CHL1: variants seen among roughly 807,000 people sequenced by gnomAD.
The protein encoded by CHL1 is cell adhesion molecule L1 like, also known as neural cell adhesion molecule L1-like protein.
A neutral mutation model predicts 141.9 loss-of-function variants in CHL1; 96 were observed. The observed-to-expected ratio is 0.68, with a 90% CI of 0.57 to 0.80. The LOEUF is 0.80. Ranked by LOEUF, CHL1 falls within the 30% of genes least tolerant of loss-of-function variation. The pLI is 0.00. For missense variants in CHL1, 1,820 were observed against 1,457.2 expected (o/e 1.25, Z -4.05); for synonymous variants, 613 against 502.2 (o/e 1.22, Z -2.95).
At chr3:338,026 C>G in intron 5 of CHL1, among the ~76,000 whole-genome samples, 1 of 152,180 alleles carries the variant, frequency 6.6e-6, no homozygotes, top group South Asian at 2.1e-4. Flanking sequence ...TCCTCTCCAG[C>G]ACCTTTTTTT....
At chr3:238,076 G>A (rs1022668895) in intron 1 of CHL1, among the ~76,000 whole-genome samples, 5 of 152,236 alleles carry the variant, frequency 3.3e-5, no homozygotes, top group African/African-American at 1.2e-4. Context: ...CTGTCTGTGT[G>A]TTCATTTTTG....
intron 2 of CHL1, among the ~76,000 whole-genome samples, chr3:286,133 T>G (rs921004791): frequency 6.6e-6 from 1 of 152,182 alleles, no homozygotes; most frequent in African/African-American, 2.4e-5. Flanking sequence ...CTGTGTAAGA[T>G]GTCTCTGCCC....
chr3:339,802 T>G (rs1702220927), intron 5 of CHL1, among the ~76,000 whole-genome samples: 1 of 152,148 alleles, frequency 6.6e-6, no homozygotes, highest in Admixed American at 6.5e-5. Flanking sequence ...GAGTAAACCT[T>G]TATATTTCCA....
intron 9 of CHL1, among the ~76,000 whole-genome samples, chr3:348,233 G>A (rs896040183): frequency 2.0e-5 from 3 of 152,166 alleles, no homozygotes; most frequent in Non-Finnish European, 4.4e-5. Flanking sequence ...TTGCTCCAGT[G>A]ACCTTAAGAA....
At position 337,540 on chromosome 3, in the gene CHL1, C is replaced by T. The variant is rs577223404; in HGVS notation, c.386-3254C>T. 2.7e-5 allele frequency among the ~76,000 whole-genome samples: 4 copies of T among 150,694 alleles called. No individual in the cohort carries two copies. The South Asian group carries it at 8.5e-4, about 32-fold the overall frequency. On this transcript the variant is annotated intron_variant, in intron 5 of 27. Coordinates refer to ENST00000256509, the MANE Select transcript of CHL1 (RefSeq NM_006614.4). ...TCTCCCCCCACCCCACAACAGGCCCCGGTGTGTGATGTCCCCCTTCCTATG... is the reference window on the plus strand; with the variant it reads ...TCTCCCCCCACCCCACAACAGGCCCTGGTGTGTGATGTCCCCCTTCCTATG...
chr3:290,935 CAA>C (rs11328876), intron 2 of CHL1, among the ~76,000 whole-genome samples: 16 of 91,802 alleles, frequency 1.7e-4, no homozygotes, highest in East Asian at 3.6e-4. Flanking sequence ...GACTCTGTCT[CAA>C]AAAAAAAAAA....
intron 5 of CHL1, among the ~76,000 whole-genome samples, chr3:334,858 C>T (rs553620153): frequency 6.6e-6 from 1 of 152,138 alleles, no homozygotes; most frequent in East Asian, 1.9e-4. Context: ...ATATCCTTCC[C>T]GTTCTGCATT....
chr3:209,013 A>G (rs1179817102), intron 1 of CHL1, among the ~76,000 whole-genome samples: 1 of 152,222 alleles, frequency 6.6e-6, no homozygotes, highest in East Asian at 1.9e-4. Context: ...GTAAAAAAAT[A>G]TAAAGTTAAT....
chr3:319,723 A>G lies in CHL1; in HGVS notation c.-54A>G. 8.5e-7 allele frequency: 1 copy of G among 1,175,912 alleles called. No homozygotes were observed. The highest frequency in any genetic ancestry group is 1.3e-5 in the South Asian group (1 of 78,082). 72.8% of individuals were successfully genotyped at this position (1,175,912 alleles called of 1,614,324 possible). ...AGGTCTCAGCTGTAAACCAAAAGTG[A>G]GAGGAGACATTAAGATTTTCATTCT... On this transcript the variant is annotated 5_prime_UTR_variant, in exon 3 of 28. Transcript: ENST00000256509.
chr3:336,334 A>C (rs1701859316), intron 5 of CHL1, among the ~76,000 whole-genome samples: 1 of 152,174 alleles, frequency 6.6e-6, no homozygotes, highest in African/African-American at 2.4e-5. Context: ...GTGTTGCATA[A>C]CATGGTAGCG....
At chr3:298,406 G>A (rs369481949) in intron 2 of CHL1, among the ~76,000 whole-genome samples, 1 of 135,920 alleles carries the variant, frequency 7.4e-6, no homozygotes, top group Non-Finnish European at 1.6e-5. Context: ...ATAAGAGCAT[G>A]CACTGGACCC....
intron 1 of CHL1, among the ~76,000 whole-genome samples, chr3:242,535 G>A (rs962201726): frequency 5.9e-5 from 9 of 152,066 alleles, no homozygotes; most frequent in Non-Finnish European, 8.8e-5. Flanking sequence ...GGCAGAGCTT[G>A]CAGTGAGCCG....
intron 20 of CHL1, among the ~76,000 whole-genome samples, chr3:390,093 G>T (rs60921148): frequency 3.3e-5 from 5 of 152,198 alleles, no homozygotes; most frequent in African/African-American, 1.2e-4. Context: ...AATAGAAAAG[G>T]TTCAGAATGA....
chr3:286,219 C>T (rs1387716477), intron 2 of CHL1, among the ~76,000 whole-genome samples: 1 of 152,172 alleles, frequency 6.6e-6, no homozygotes, highest in African/African-American at 2.4e-5. Flanking sequence ...TTTTGTTATT[C>T]GCAGGGGGTC....
Position 328,233 on chromosome 3 carries a change from T to A in CHL1, c.264T>A (p.Asn88Lys). The change falls in exon 5 of 28, where the codon AAT becomes AAA. Residue 88 changes from asparagine to lysine, a missense_variant. Transcript: ENST00000256509. ...FTDHRIIPSN[N>K]SGTFRIPNEG... The stretch of plus-strand genomic sequence containing the variant: ...ACCATCGGATAATTCCATCGAACAA[T>A]TCAGGAACATTCAGGATCCCAAACG... 6.2e-7 allele frequency: 1 copy of A among 1,613,008 alleles called. No individual in the cohort carries two copies. Among genetic ancestry groups the A allele is most frequent in the Non-Finnish European group, 8.5e-7 (1 of 1,179,256 alleles).
chr3:352,479 G>A (rs1703354075), intron 10 of CHL1, among the ~76,000 whole-genome samples: 1 of 151,864 alleles, frequency 6.6e-6, no homozygotes, highest in Non-Finnish European at 1.5e-5. Context: ...TCTTATTTTT[G>A]TATTTACAAT....
chr3:389,568 G>T, intron 20 of CHL1, 94 bp downstream of exon 20: 1 of 929,128 alleles, frequency 1.1e-6, no homozygotes, highest in Non-Finnish European at 1.7e-6. Flanking sequence ...AACAACTACT[G>T]CATGCAAAGA....
intron 2 of CHL1, among the ~76,000 whole-genome samples, chr3:307,201 C>T (rs1345576869): frequency 6.6e-6 from 1 of 152,136 alleles, no homozygotes. Context: ...AACCTAGCTA[C>T]CAGATGCTAT....
chr3:266,122 G>A (rs1695126107), intron 2 of CHL1, among the ~76,000 whole-genome samples: 1 of 152,140 alleles, frequency 6.6e-6, no homozygotes, highest in African/African-American at 2.4e-5. Context: ...ATGTATACCA[G>A]GAGAAGGATC....
Sources: allele counts gnomAD v4.1 joint callset (sites outside exome capture counted in the v4.1 genomes callset), GRCh38; gene constraint gnomAD v4.1.1; transcripts MANE v1.5; gene names NCBI Gene and HGNC (gene_info 2026-07-23, HGNC 2026-07-21).